Variants in MSRA observed in about 807,000 individuals in gnomAD.
MSRA encodes the protein mitochondrial peptide methionine sulfoxide reductase.
In MSRA, 54 loss-of-function variants were observed where a neutral mutation model predicts 31.3. That is an observed-to-expected ratio of 1.73 (90% CI 1.39 to 2.17). MSRA has a LOEUF of 2.17. Ranked by LOEUF, MSRA falls within the 30% of genes most tolerant of loss-of-function variation. The pLI, the probability that MSRA is intolerant of heterozygous loss-of-function variation, is 0.00. For missense variants in MSRA, 507 were observed against 300.9 expected, an observed-to-expected ratio of 1.69 and a Z score of -5.07; for synonymous variants, 169 against 116.5, an observed-to-expected ratio of 1.45 and a Z score of -2.90.
chr8:10,324,429 T>TGGAACATGGGACGGCCAC (rs1161188848), intron 5 of MSRA, among the ~76,000 whole-genome samples: 5 of 152,186 alleles, frequency 3.3e-5, no homozygotes, highest in African/African-American at 1.2e-4. Context: ...GGGACGGCCA[T>TGGAACATGGGACGGCCAC]GGAACATGGG....
At chr8:10,332,450 A>AT (rs1802760681) in intron 5 of MSRA, among the ~76,000 whole-genome samples, 1 of 133,020 alleles carries the variant, frequency 7.5e-6, no homozygotes, top group African/African-American at 2.8e-5. Flanking sequence ...AAAAAGAAAA[A>AT]TCCCCCCTCC....
At chr8:10,286,181 C>T (rs1799926489) in intron 3 of MSRA, among the ~76,000 whole-genome samples, 1 of 152,200 alleles carries the variant, frequency 6.6e-6, no homozygotes, top group Admixed American at 6.5e-5. Context: ...ATCTGAAGCA[C>T]TCTTACCTCT....
At chr8:10,283,706 C>G (rs987813352) in intron 3 of MSRA, among the ~76,000 whole-genome samples, 8 of 149,148 alleles carry the variant, frequency 5.4e-5, no homozygotes, top group African/African-American at 2.0e-4. Context: ...TTTTTCCATT[C>G]CTGAGTTACT....
intron 2 of MSRA, among the ~76,000 whole-genome samples, chr8:10,238,991 A>G (rs1812178921): frequency 6.6e-6 from 1 of 152,172 alleles, no homozygotes; most frequent in Non-Finnish European, 1.5e-5. Flanking sequence ...ATCTGTAATC[A>G]TATAACTGGC....
intron 5 of MSRA, among the ~76,000 whole-genome samples, chr8:10,400,199 G>A (rs1334003483): frequency 6.6e-6 from 1 of 152,092 alleles, no homozygotes; most frequent in Non-Finnish European, 1.5e-5. Flanking sequence ...GAATTGTGGA[G>A]GCCAGGCTGG....
chr8:10,396,778 T>TTAAG (rs1807122566), intron 5 of MSRA, among the ~76,000 whole-genome samples: 1 of 152,208 alleles, frequency 6.6e-6, no homozygotes, highest in Admixed American at 6.5e-5. Context: ...CTCAAGATTG[T>TTAAG]TAAGTGAATG....
intron 3 of MSRA, among the ~76,000 whole-genome samples, chr8:10,247,454 GTA>G (rs572522792): frequency 1.4e-3 from 209 of 152,178 alleles, no homozygotes; most frequent in African/African-American, 4.9e-3. Flanking sequence ...TGTCCCTCTG[GTA>G]TATTTTTAAT....
At chr8:10,155,000 T>TATATATATATATATATATATA (rs1554468796) in intron 1 of MSRA, among the ~76,000 whole-genome samples, 4 of 98,458 alleles carry the variant, frequency 4.1e-5, no homozygotes, top group Admixed American at 1.0e-4. Context: ...TGTGTATATA[T>TATATATATATATATATATATA]TTTATATATA....
intron 1 of MSRA, among the ~76,000 whole-genome samples, chr8:10,181,022 T>A (rs1368229046): frequency 6.6e-6 from 1 of 152,208 alleles, no homozygotes; most frequent in Non-Finnish European, 1.5e-5. Flanking sequence ...AATCCACCGT[T>A]AACCCATCAA....
intron 5 of MSRA, among the ~76,000 whole-genome samples, chr8:10,374,490 A>C (rs1369708772): frequency 6.6e-6 from 1 of 152,234 alleles, no homozygotes; most frequent in East Asian, 1.9e-4. Context: ...TGAGTCCAGT[A>C]TTGCAGAACA....
intron 2 of MSRA, among the ~76,000 whole-genome samples, chr8:10,217,008 A>G (rs1359838901): frequency 6.6e-6 from 1 of 152,226 alleles, no homozygotes; most frequent in East Asian, 1.9e-4. Flanking sequence ...CTATACTTTT[A>G]CATTCCCACC....
At chr8:10,271,133 A>G (rs1202268913) in intron 3 of MSRA, among the ~76,000 whole-genome samples, 2 of 151,892 alleles carry the variant, frequency 1.3e-5, no homozygotes, top group Admixed American at 6.6e-5. Flanking sequence ...TTTAAGACTC[A>G]GTAAGAAGTA....
chr8:10,427,862 C>T (rs191306227), intron 5 of MSRA, among the ~76,000 whole-genome samples: 2 of 152,316 alleles, frequency 1.3e-5, no homozygotes, highest in East Asian at 3.9e-4. Flanking sequence ...AACCAGGGCC[C>T]CCAACATGCA....
chr8:10,086,277 G>A (rs991734811), intron 1 of MSRA, among the ~76,000 whole-genome samples: 14 of 152,202 alleles, frequency 9.2e-5, no homozygotes, highest in Non-Finnish European at 2.1e-4. Flanking sequence ...TTTTCAGGTT[G>A]AGCAGTTGGA....
At chr8:10,309,250 G>A (rs180773586) in intron 4 of MSRA, among the ~76,000 whole-genome samples, 1 of 152,256 alleles carries the variant, frequency 6.6e-6, no homozygotes, top group Non-Finnish European at 1.5e-5. Flanking sequence ...TTGAACTAGT[G>A]AGTGAACCTC....
At chr8:10,168,391 A>C (rs17151239) in intron 1 of MSRA, among the ~76,000 whole-genome samples, 7,556 of 152,198 alleles carry the variant, frequency 0.05, 606 homozygotes, top group African/African-American at 0.17. Context: ...GCCAACTCAG[A>C]TGTCACTGGG....
chr8:10,235,560 G>C (rs1227672944), intron 2 of MSRA, among the ~76,000 whole-genome samples: 1 of 152,086 alleles, frequency 6.6e-6, no homozygotes, highest in African/African-American at 2.4e-5. Flanking sequence ...ATAGAAAACA[G>C]AAAGGAAAGA....
At chr8:10,417,754 T>TTGTG (rs113437676) in intron 5 of MSRA, among the ~76,000 whole-genome samples, 65,579 of 129,836 alleles carry the variant, frequency 0.51, 19,663 homozygotes, top group Non-Finnish European at 0.63. Context: ...AACCTGCATG[T>TTGTG]TGTGTGTGTG....
chr8:10,256,589 T>A (rs1217641878), intron 3 of MSRA, among the ~76,000 whole-genome samples: 2 of 152,138 alleles, frequency 1.3e-5, no homozygotes, highest in African/African-American at 2.4e-5. Flanking sequence ...CACTTAACAT[T>A]GAAACTTACT....
Sources: gnomAD v4.1 joint callset for allele counts (sites outside exome capture counted in the v4.1 genomes callset) on GRCh38, gnomAD v4.1.1 for gene constraint, MANE v1.5 for transcripts, NCBI Gene and HGNC (gene_info 2026-07-23, HGNC 2026-07-21) for gene names.